The following ZNF609 variants were observed in gnomAD, a reference collection of about 807,000 sequenced individuals.
The protein encoded by ZNF609 is zinc finger protein 609.
In ZNF609, 11 loss-of-function variants were observed where a neutral mutation model predicts 109.5. The observed-to-expected ratio is 0.10, with a 90% confidence interval of 0.06 to 0.17. The LOEUF is 0.17. ZNF609 is among the 10% of genes least tolerant of loss of function. The probability of loss-of-function intolerance (pLI) is 1.00; values close to 1 mark genes in which losing one functional copy is unlikely to be tolerated. For synonymous variants in ZNF609, 646 were observed against 662.0 expected, an observed-to-expected ratio of 0.98 and a Z score of 0.37; for missense variants, 1,559 against 1,772.4, an observed-to-expected ratio of 0.88 and a Z score of 2.16.
intron 2 of ZNF609, among the ~76,000 whole-genome samples, chr15:64,554,913 A>C (rs1377078198): frequency 6.6e-6 from 1 of 151,890 alleles, no homozygotes; most frequent in Non-Finnish European, 1.5e-5. Context: ...CCTGGCCAAC[A>C]TGCTGAAACC....
intron 2 of ZNF609, among the ~76,000 whole-genome samples, chr15:64,577,358 CAT>C (rs769502826): frequency 0.026 from 423 of 16,410 alleles, 150 homozygotes; most frequent in African/African-American, 0.041. Context: ...TATATATACA[CAT>C]ATATGTATAT....
At chr15:64,537,861 G>C (rs1258632982) in intron 2 of ZNF609, among the ~76,000 whole-genome samples, 2 of 152,140 alleles carry the variant, frequency 1.3e-5, no homozygotes, top group African/African-American at 2.4e-5. Context: ...CTTTGCAAAG[G>C]AGGCTGAGGT....
At chr15:64,551,437 C>A (rs1176225540) in intron 2 of ZNF609, among the ~76,000 whole-genome samples, 1 of 152,088 alleles carries the variant, frequency 6.6e-6, no homozygotes, top group Admixed American at 6.6e-5. Context: ...AGGCGGATAA[C>A]CTGAGGTCAG....
At chr15:64,584,450 G>A (rs1296761152) in intron 2 of ZNF609, among the ~76,000 whole-genome samples, 2 of 151,712 alleles carry the variant, frequency 1.3e-5, no homozygotes, top group African/African-American at 2.4e-5. Context: ...ACAGTTATGC[G>A]CCACCATCCC....
chr15:64,575,678 A>G (rs902292035), intron 2 of ZNF609, among the ~76,000 whole-genome samples: 3 of 152,202 alleles, frequency 2.0e-5, no homozygotes, highest in Admixed American at 6.5e-5. Context: ...GTATTTGTAT[A>G]TTTACAAAAA....
chr15:64,657,424 G>A (rs894218178), intron 3 of ZNF609, among the ~76,000 whole-genome samples: 2 of 151,460 alleles, frequency 1.3e-5, no homozygotes, highest in African/African-American at 4.9e-5. Flanking sequence ...GACCATCCTA[G>A]CCAACATGGT....
At chr15:64,617,443 G>T (rs747422354) in intron 2 of ZNF609, among the ~76,000 whole-genome samples, 1 of 151,918 alleles carries the variant, frequency 6.6e-6, no homozygotes, top group Non-Finnish European at 1.5e-5. Flanking sequence ...AGTGAACCAT[G>T]ATCACCCCCT....
intron 1 of ZNF609, among the ~76,000 whole-genome samples, chr15:64,478,225 G>A (rs987869534): frequency 2.7e-5 from 4 of 150,620 alleles, no homozygotes; most frequent in African/African-American, 9.8e-5. Context: ...GTCTTGCTGT[G>A]TTGCCCAGGT....
chr15:64,462,692 C>A (rs1329545963), intron 1 of ZNF609, among the ~76,000 whole-genome samples: 2 of 152,222 alleles, frequency 1.3e-5, no homozygotes, highest in Non-Finnish European at 2.9e-5. Context: ...AAAAAAGCCA[C>A]AGAATTTGCC....
chr15:64,543,929 CT>C (rs1894313118), intron 2 of ZNF609, among the ~76,000 whole-genome samples: 1 of 152,128 alleles, frequency 6.6e-6, no homozygotes, highest in Non-Finnish European at 1.5e-5. Flanking sequence ...CTTGTGTTGT[CT>C]TTGCCTTAGG....
At chr15:64,613,676 G>A (rs1168388901) in intron 2 of ZNF609, among the ~76,000 whole-genome samples, 6 of 151,616 alleles carry the variant, frequency 4.0e-5, no homozygotes, top group African/African-American at 1.2e-4. Flanking sequence ...TCAGCCTCCC[G>A]AGTAGCTGGG....
intron 3 of ZNF609, among the ~76,000 whole-genome samples, chr15:64,647,881 C>A (rs1352455276): frequency 6.6e-6 from 1 of 152,106 alleles, no homozygotes; most frequent in Non-Finnish European, 1.5e-5. Context: ...CTCTTTTTAT[C>A]CTCTTGCTGC....
intron 3 of ZNF609, among the ~76,000 whole-genome samples, chr15:64,656,343 G>A (rs1352330460): frequency 6.6e-6 from 1 of 152,172 alleles, no homozygotes; most frequent in Non-Finnish European, 1.5e-5. Flanking sequence ...GATTACAGGC[G>A]TGAGCCACCA....
chr15:64,674,008 A>G lies in ZNF609; in HGVS notation c.1154A>G (p.Glu385Gly). Residue 385 changes from glutamate to glycine, a missense_variant, in exon 5 of 10, where the codon GAG becomes GGG. Glu to Gly is a moderately conservative substitution (Grantham distance 98). Around this residue, in one of 4 missense-constraint regions of ZNF609, gnomAD observed 1,204 missense variants for 1,314.1 expected, o/e 0.92. Transcript: ENST00000326648. ...CCCAACAGTAATACACCTGTCAATG[A>G]GACAGCCACAGCCTCTGACAGCAAA... ...MRPNSNTPVNETATASDSKGT... is the reference protein window; with the variant it reads ...MRPNSNTPVNGTATASDSKGT... 1 of 1,614,154 alleles carries G rather than the reference A, an allele frequency of 6.2e-7. No homozygotes were observed.
At chr15:64,503,797 A>T (rs772341569) in intron 2 of ZNF609, among the ~76,000 whole-genome samples, 1 of 152,198 alleles carries the variant, frequency 6.6e-6, no homozygotes, top group African/African-American at 2.4e-5. Context: ...AATGCTGCAT[A>T]TATTTACCAC....
At chr15:64,617,761 C>T (rs1201129114) in intron 2 of ZNF609, among the ~76,000 whole-genome samples, 1 of 152,098 alleles carries the variant, frequency 6.6e-6, no homozygotes, top group African/African-American at 2.4e-5. Context: ...GCCTGGGCAA[C>T]AAGAGTGAAA....
intron 2 of ZNF609, among the ~76,000 whole-genome samples, chr15:64,562,000 T>C (rs1252263101): frequency 6.6e-6 from 1 of 152,222 alleles, no homozygotes; most frequent in Middle Eastern, 3.2e-3. Flanking sequence ...AATTTTGATA[T>C]ATTTTATAAT....
intron 2 of ZNF609, among the ~76,000 whole-genome samples, chr15:64,577,444 T>TACACAC: frequency 2.9e-5 from 1 of 34,178 alleles, no homozygotes; most frequent in African/African-American, 6.9e-5. Flanking sequence ...TATGTATATA[T>TACACAC]ATACACATAT....
At chr15:64,580,623 C>T (rs1447487159) in intron 2 of ZNF609, among the ~76,000 whole-genome samples, 1 of 150,318 alleles carries the variant, frequency 6.7e-6, no homozygotes, top group Non-Finnish European at 1.5e-5. Flanking sequence ...CAGTCTGCAA[C>T]CTCTGCCTCC....
Sources: gnomAD v4.1 joint callset for allele counts (sites outside exome capture counted in the v4.1 genomes callset) on GRCh38, gnomAD v4.1.1 for gene constraint, gnomAD v4.1.1 regional missense constraint, MANE v1.5 for transcripts, NCBI Gene and HGNC (gene_info 2026-07-23, HGNC 2026-07-21) for gene names.